The following NALF1 variants were observed in gnomAD, a reference collection of about 807,000 sequenced individuals.
The protein encoded by NALF1 is NALCN channel auxiliary factor 1.
In NALF1, 3 loss-of-function variants were observed where a neutral mutation model predicts 48.4. The observed-to-expected ratio is 0.06, with a 90% confidence interval of 0.03 to 0.16. NALF1 has a LOEUF of 0.16. Among genes scored for constraint, NALF1 ranks in the 10% least tolerant of loss-of-function variants. The pLI, the probability that NALF1 is intolerant of heterozygous loss-of-function variation, is 1.00. For synonymous variants in NALF1, 262 were observed against 245.7 expected (o/e 1.07, Z -0.62); for missense variants, 526 against 571.5 (o/e 0.92, Z 0.81).
At chr13:107,796,668 G>A (rs184278057) in intron 1 of NALF1, among the ~76,000 whole-genome samples, 2 of 152,156 alleles carry the variant, frequency 1.3e-5, no homozygotes, top group Non-Finnish European at 2.9e-5. Flanking sequence ...CTGTTAGGGT[G>A]GTCCTTCCTC....
At chr13:107,756,166 ATT>A (rs1877087405) in intron 1 of NALF1, among the ~76,000 whole-genome samples, 3 of 152,194 alleles carry the variant, frequency 2.0e-5, no homozygotes, top group Non-Finnish European at 4.4e-5. Context: ...AAAATACTAA[ATT>A]ATTATTTCTA....
chr13:107,748,715 A>C (rs763663311), intron 1 of NALF1, among the ~76,000 whole-genome samples: 1 of 152,232 alleles, frequency 6.6e-6, no homozygotes, highest in South Asian at 2.1e-4. Flanking sequence ...GCTAGTGATA[A>C]AAATTAAATA....
intron 1 of NALF1, among the ~76,000 whole-genome samples, chr13:107,454,632 G>A (rs1212667242): frequency 6.6e-6 from 1 of 152,126 alleles, no homozygotes; most frequent in East Asian, 1.9e-4. Flanking sequence ...AGTTGTATAT[G>A]TTTTGGCCTG....
At chr13:107,641,155 C>T (rs999368974) in intron 1 of NALF1, among the ~76,000 whole-genome samples, 5 of 152,160 alleles carry the variant, frequency 3.3e-5, no homozygotes, top group African/African-American at 1.2e-4. Flanking sequence ...ATTTTAAGAA[C>T]ACAAAGATAA....
intron 1 of NALF1, among the ~76,000 whole-genome samples, chr13:107,788,180 A>G (rs1878128272): frequency 6.6e-6 from 1 of 151,914 alleles, no homozygotes; most frequent in Admixed American, 6.6e-5. Context: ...TCTTCATCCT[A>G]TCATCCCAAA....
chr13:107,412,154 C>T (rs563953621), intron 1 of NALF1, among the ~76,000 whole-genome samples: 11 of 152,186 alleles, frequency 7.2e-5, no homozygotes, highest in Admixed American at 5.9e-4. Context: ...CAAATTTCCA[C>T]GCGCTTAAAC....
intron 1 of NALF1, among the ~76,000 whole-genome samples, chr13:107,373,545 G>A (rs752665928): frequency 1.3e-5 from 2 of 152,074 alleles, no homozygotes; most frequent in Non-Finnish European, 2.9e-5. Flanking sequence ...AGCCCAAAAG[G>A]GGCCACAGCC....
chr13:107,806,878 T>A (rs1878807327), intron 1 of NALF1, among the ~76,000 whole-genome samples: 1 of 152,188 alleles, frequency 6.6e-6, no homozygotes, highest in Non-Finnish European at 1.5e-5. Context: ...TTCATTTCTT[T>A]TCTTTCTAAA....
chr13:107,815,438 T>A (rs549698010), intron 1 of NALF1, among the ~76,000 whole-genome samples: 71 of 152,120 alleles, frequency 4.7e-4, no homozygotes, highest in Non-Finnish European at 8.7e-4. Flanking sequence ...ATCACTGAGA[T>A]AAAAATCAAA....
chr13:107,637,187 T>C (rs1477836118), intron 1 of NALF1, among the ~76,000 whole-genome samples: 1 of 152,008 alleles, frequency 6.6e-6, no homozygotes, highest in Non-Finnish European at 1.5e-5. Context: ...TAAGGATGTA[T>C]TTCTCAGAAC....
chr13:107,366,439 C>CA (rs1883152898), intron 1 of NALF1, among the ~76,000 whole-genome samples: 2 of 151,992 alleles, frequency 1.3e-5, no homozygotes, highest in African/African-American at 4.8e-5. Flanking sequence ...AAACTGCAAT[C>CA]AAAAAAAGGC....
At chr13:107,646,498 C>A (rs1049087332) in intron 1 of NALF1, among the ~76,000 whole-genome samples, 6 of 152,076 alleles carry the variant, frequency 3.9e-5, no homozygotes, top group African/African-American at 1.4e-4. Context: ...ATTGTTTTTC[C>A]TTCTTATCCT....
intron 2 of NALF1, among the ~76,000 whole-genome samples, chr13:107,202,778 C>G (rs1049761619): frequency 2.0e-5 from 3 of 152,178 alleles, no homozygotes; most frequent in Non-Finnish European, 2.9e-5. Flanking sequence ...TTCCGTTAAC[C>G]TACTGACTGA....
chr13:107,344,068 G>T (rs183712038), intron 1 of NALF1, among the ~76,000 whole-genome samples: 187 of 152,094 alleles, frequency 1.2e-3, no homozygotes, highest in Non-Finnish European at 1.3e-3. Context: ...ACAACTATCT[G>T]CCAGCAAATG....
intron 1 of NALF1, among the ~76,000 whole-genome samples, chr13:107,477,451 C>G (rs1157576384): frequency 6.6e-6 from 1 of 152,042 alleles, no homozygotes; most frequent in African/African-American, 2.4e-5. Flanking sequence ...CCTAAGGTCC[C>G]TATAGGGAAA....
intron 1 of NALF1, among the ~76,000 whole-genome samples, chr13:107,398,086 A>G (rs1280466047): frequency 3.3e-5 from 5 of 152,148 alleles, no homozygotes; most frequent in African/African-American, 1.2e-4. Context: ...TTTTCAAAAA[A>G]CAGAATTGGG....
rs573902311 is a variant in NALF1, at chr13:107,598,956, A to C, written c.915+266726T>G. On this transcript the variant is annotated intron_variant, in intron 1 of 2. Transcript: ENST00000375915. Reference sequence around the variant, plus strand: ...GCTTTTTGCTGCTCTTCCCGCCAAGACTAGAAAAGTACATAATGCTCAATA... The same window carrying C: ...GCTTTTTGCTGCTCTTCCCGCCAAGCCTAGAAAAGTACATAATGCTCAATA... 2.6e-5 allele frequency among the ~76,000 whole-genome samples: 4 copies of C among 152,308 alleles called. No individual in the cohort carries two copies. In the East Asian group the frequency reaches 7.7e-4, roughly 29 times the overall value.
At chr13:107,740,160 A>C (rs1478597717) in intron 1 of NALF1, among the ~76,000 whole-genome samples, 1 of 152,236 alleles carries the variant, frequency 6.6e-6, no homozygotes, top group African/African-American at 2.4e-5. Context: ...TGCTGCACTG[A>C]AATCAGTATA....
At position 107,507,594 on chromosome 13, in the gene NALF1, TAAAAAAAAAAAAA is replaced by T. The variant is rs548709767; in HGVS notation, c.916-296852_916-296840del. Among the ~76,000 whole-genome samples the T allele has an allele frequency of 8.6e-3, 746 of 86,418 alleles. 7 individuals carry two copies. Among genetic ancestry groups the T allele is most frequent in the African/African-American group, 0.033 (584 of 17,900 alleles). 56.7% of individuals were successfully genotyped at this position (86,418 alleles called of 152,430 possible). A position where few individuals can be genotyped will look rare whatever the true frequency, so the allele number is the denominator to read the frequency against. On this transcript the variant is annotated intron_variant, in intron 1 of 2. Coordinates refer to ENST00000375915, the MANE Select transcript of NALF1 (RefSeq NM_001080396.3). ...AGATGCCTAGATGTTTATTCTCCATTAAAAAAAAAAAAAAAAAAAAAAAAAAAAGGGGCAAACA... is the reference window on the plus strand; with the variant it reads ...AGATGCCTAGATGTTTATTCTCCATTAAAAAAAAAAAAAAAGGGGCAAACA...
Sources: gnomAD v4.1 joint callset for allele counts (sites outside exome capture counted in the v4.1 genomes callset) on GRCh38, gnomAD v4.1.1 for gene constraint, MANE v1.5 for transcripts, NCBI Gene and HGNC (gene_info 2026-07-23, HGNC 2026-07-21) for gene names.